Variants in TMEM94 observed in about 807,000 individuals in gnomAD.
The protein encoded by TMEM94 is transmembrane protein 94, also known as ER Mg2+ ATPase.
A neutral mutation model predicts 158.6 loss-of-function variants in TMEM94; 81 were observed. That is an observed-to-expected ratio of 0.51 (90% CI 0.43 to 0.61). The LOEUF is 0.61. TMEM94 is among the 20% of genes least tolerant of loss of function. TMEM94 has a pLI of 0.00. For synonymous variants in TMEM94, 751 were observed against 730.7 expected (o/e 1.03, Z -0.45); for missense variants, 1,435 against 1,762.0 (o/e 0.81, Z 3.32).
chr17:75,479,068 G>C (rs1414492603), intron 2 of TMEM94, among the ~76,000 whole-genome samples: 1 of 152,106 alleles, frequency 6.6e-6, no homozygotes, highest in Admixed American at 6.5e-5. Context: ...CCATGCTTTG[G>C]GAAAGGCTGG....
At position 75,492,220 on chromosome 17, in the gene TMEM94, T is replaced by TG; in HGVS notation, c.1597-252dup. 7.1e-7 allele frequency: 1 copy of TG among 1,406,476 alleles called. No individual in the cohort carries two copies. The highest frequency in any genetic ancestry group is 1.6e-5 in the South Asian group (1 of 63,616). The allele number at this position is 1,406,476 out of a possible 1,614,324, so 87.1% of individuals were successfully genotyped here. ...TCCCTCAACTGTGTCCTCTTTGGTC[T>TG]GGCCACCCCTCTTTTTAGCTCCTGC... On this transcript the variant is annotated intron_variant, in intron 14 of 31. Coordinates refer to ENST00000314256, the MANE Select transcript of TMEM94 (RefSeq NM_014738.6). This position sits in a 1 kb window ranked among gnomAD's most constrained non-coding sequence, Gnocchi z 4.4.
chr17:75,496,914 G>A (rs916859883), intron 25 of TMEM94, 107 bp downstream of exon 25: 10 of 1,278,118 alleles, frequency 7.8e-6, no homozygotes, highest in East Asian at 2.3e-5. Context: ...ACAGTCAAGG[G>A]GTCCCCCCAG....
At chr17:75,497,899 C>T in intron 27 of TMEM94, 37 bp downstream of exon 27, 1 of 1,566,718 alleles carries the variant, frequency 6.4e-7, no homozygotes, top group Non-Finnish European at 8.8e-7. Context: ...TGCAAGTGAG[C>T]ATGGAAGGGA....
Position 75,498,072 on chromosome 17 carries a change from C to G in TMEM94, c.3490-103C>G, listed in dbSNP as rs974281287. The stretch of plus-strand genomic sequence containing the variant: ...CTGGGGCTTGAGCTCCCTATCCCCC[C>G]AGGCCTGACCATTTACTAAGAGCCC... On this transcript the variant is annotated intron_variant, in intron 27 of 31. Coordinates refer to ENST00000314256, the MANE Select transcript of TMEM94 (RefSeq NM_014738.6). The surrounding 1 kb of genome is among the most constrained non-coding windows in gnomAD (Gnocchi z 6.7). 5.9e-5 allele frequency: 88 copies of G among 1,487,020 alleles called. No homozygotes were observed. The highest frequency in any genetic ancestry group is 3.8e-4 in the Admixed American group (22 of 57,372). 92.1% of individuals were successfully genotyped at this position (1,487,020 alleles called of 1,614,324 possible).
At position 75,496,054 on chromosome 17, in the gene TMEM94, C is replaced by T. The variant is rs1598433036; in HGVS notation, c.3033C>T (p.Leu1011=). Residue 1011 remains leucine (L), a synonymous_variant, in exon 23 of 32, where the codon CTC becomes CTT. Coordinates refer to ENST00000314256, the MANE Select transcript of TMEM94 (RefSeq NM_014738.6). The stretch of plus-strand genomic sequence containing the variant: ...CTGCCAACCTGCGGAACAGCTGCCT[C>T]TTCCTCCAGAGCGACATCAGGTCAG... The part of the protein sequence containing the change: ...GSSANLRNSC[L]FLQSDISIAL... 4 of 1,612,450 alleles carry T rather than the reference C, an allele frequency of 2.5e-6. No individual in the cohort carries two copies. Among genetic ancestry groups the T allele is most frequent in the Non-Finnish European group, 3.4e-6 (4 of 1,179,606 alleles).
At chr17:75,488,471 G>T (rs2146631285) in intron 6 of TMEM94, among the ~76,000 whole-genome samples, 1 of 152,272 alleles carries the variant, frequency 6.6e-6, no homozygotes, top group Middle Eastern at 3.4e-3. Context: ...TGGTAGAGAT[G>T]GGGTTTCGGC....
chr17:75,496,690 A>C (rs893683826), intron 24 of TMEM94, 40 bp from the exon 25 acceptor site: 1 of 1,573,796 alleles, frequency 6.4e-7, no homozygotes, highest in Non-Finnish European at 8.7e-7. Flanking sequence ...GGGAGAGGCC[A>C]GGTAGACCCA....
At position 75,491,884 on chromosome 17, in the gene TMEM94, A is replaced by T. The variant is rs1458964137; in HGVS notation, c.1580A>T (p.Glu527Val). 2 of 1,613,060 alleles carry T rather than the reference A, an allele frequency of 1.2e-6. No individual in the cohort carries two copies. The highest frequency in any genetic ancestry group is 2.7e-5 in the African/African-American group (2 of 75,040). ...TTCAGCAGGGACACCGAGGGTGGTG[A>T]AGAAGAGCCCAGCAAGGTGACGGGA... is the stretch of plus-strand genomic sequence containing the variant. ...VSFSRDTEGG[E>V]EEPSKTQPGM... Residue 527 changes from glutamate (E) to valine (V), a missense_variant, in exon 14 of 32, where the codon GAA (glutamate) becomes GTA (valine). Physicochemically the swap from Glu to Val is moderately radical, Grantham distance 121 (BLOSUM62 -2). Coordinates refer to ENST00000314256, the MANE Select transcript of TMEM94 (RefSeq NM_014738.6). The surrounding 1 kb of genome is among the most constrained non-coding windows in gnomAD (Gnocchi z 5.1).
intron 1 of TMEM94, among the ~76,000 whole-genome samples, chr17:75,458,500 G>C (rs1479554799): frequency 1.3e-5 from 2 of 151,900 alleles, no homozygotes; most frequent in African/African-American, 4.8e-5. Context: ...CCAGGAGTTT[G>C]AGATCAACCT....
At chr17:75,477,810 A>G (rs1279621102) in intron 2 of TMEM94, among the ~76,000 whole-genome samples, 2 of 150,844 alleles carry the variant, frequency 1.3e-5, no homozygotes, top group Non-Finnish European at 3.0e-5. Context: ...GGAGTTTGAG[A>G]CCAGCCTGGC....
In TMEM94 at chr17:75,462,796, G is replaced by A. The variant is rs1486604628; in HGVS notation, c.-107+6045G>A. The stretch of plus-strand genomic sequence containing the variant: ...GCTTGAGCCCCAGAGTTCTAGACCA[G>A]TCTGGGCAACATAGCAAGACCTTGT... On this transcript the variant is annotated intron_variant, in intron 1 of 31. Transcript: ENST00000314256. Among the ~76,000 whole-genome samples, 18 of 144,688 alleles carry A rather than the reference G, an allele frequency of 1.2e-4. No individual in the cohort carries two copies. The Admixed American group carries it at 1.3e-3, about 10-fold the overall frequency. 94.9% of individuals were successfully genotyped at this position (144,688 alleles called of 152,430 possible).
In TMEM94 at chr17:75,499,041, T is replaced by A. The variant is rs2053043788; in HGVS notation, c.3957T>A (p.Leu1319=). ...TWLLGCLSLV[L]VVVTNEIVKL... ...TCCTGGGCTGCCTGTCCCTGGTCCTTGTGGTGGTGACCAATGAGATCGTGA... is the reference window on the plus strand; with the variant it reads ...TCCTGGGCTGCCTGTCCCTGGTCCTAGTGGTGGTGACCAATGAGATCGTGA... The change falls in exon 31 of 32, where the codon CTT becomes CTA. Residue 1319 remains leucine, a synonymous_variant. Coordinates refer to ENST00000314256, the MANE Select transcript of TMEM94 (RefSeq NM_014738.6). 1.9e-6 allele frequency: 3 copies of A among 1,600,034 alleles called. No homozygotes were observed. Among genetic ancestry groups the A allele is most frequent in the Non-Finnish European group, 2.6e-6 (3 of 1,174,538 alleles).
At chr17:75,494,129 C>G (rs1221858840) in intron 18 of TMEM94, among the ~76,000 whole-genome samples, 2 of 152,200 alleles carry the variant, frequency 1.3e-5, no homozygotes, top group African/African-American at 2.4e-5. Flanking sequence ...CTCACTTGGC[C>G]TGCCTCACTG....
chr17:75,480,407 T>G (rs557870916), intron 2 of TMEM94, among the ~76,000 whole-genome samples: 2 of 152,394 alleles, frequency 1.3e-5, no homozygotes, highest in South Asian at 4.1e-4. Flanking sequence ...CAGACAGCTC[T>G]GCAGGCGCCC....
At position 75,475,249 on chromosome 17, in the gene TMEM94, G is replaced by A. The variant is rs72854377; in HGVS notation, c.24+3320G>A. Among the ~76,000 whole-genome samples, 364 of 152,244 alleles carry A rather than the reference G, an allele frequency of 2.4e-3. 1 individual carries two copies. The highest frequency in any genetic ancestry group is 4.1e-3 in the Non-Finnish European group (278 of 68,022). On this transcript the variant is annotated intron_variant, in intron 2 of 31. Coordinates refer to ENST00000314256, the MANE Select transcript of TMEM94 (RefSeq NM_014738.6). ...CCTGTTCTTAACCTCTGGACTGCCC[G>A]GGCCCTCCCTTCTGTTCTCACTCAG...
chr17:75,463,034 AAAAATATATATATATATAT>A (rs2050140058), intron 1 of TMEM94, among the ~76,000 whole-genome samples: 1 of 3,780 alleles, frequency 2.6e-4, no homozygotes, highest in Non-Finnish European at 5.3e-4. Flanking sequence ...AAAAAAAAAA[AAAAATATATATATATATAT>A]ATATATATAT....
At chr17:75,473,394 A>G (rs1469643655) in intron 2 of TMEM94, among the ~76,000 whole-genome samples, 2 of 152,202 alleles carry the variant, frequency 1.3e-5, no homozygotes, top group Admixed American at 1.3e-4. Flanking sequence ...AGGGCTCTGC[A>G]CTGCTCAGTT....
rs1467738420 is a variant in TMEM94 at position 75,492,186 on chromosome 17, C to T, written c.1596+286C>T. 60 of 1,260,546 alleles carry T rather than the reference C, an allele frequency of 4.8e-5. No homozygotes were observed. The highest frequency in any genetic ancestry group is 6.2e-5 in the Non-Finnish European group (59 of 944,730). The allele number at this position is 1,260,546 out of a possible 1,614,324, so 78.1% of individuals were successfully genotyped here. A position where few individuals can be genotyped will look rare whatever the true frequency, so the allele number is the denominator to read the frequency against. On this transcript the variant is annotated intron_variant, in intron 14 of 31. Coordinates refer to ENST00000314256, the MANE Select transcript of TMEM94 (RefSeq NM_014738.6). The surrounding 1 kb of genome is among the most constrained non-coding windows in gnomAD (Gnocchi z 4.4). ...CTCCCTCTTAGAGATGTTCCCTGGC[C>T]ACAGAAGATCCCTCAACTGTGTCCT...
At chr17:75,470,561 C>T (rs1001154669) in intron 1 of TMEM94, among the ~76,000 whole-genome samples, 4 of 151,622 alleles carry the variant, frequency 2.6e-5, no homozygotes, top group Non-Finnish European at 5.9e-5. Flanking sequence ...AAAAATTAGC[C>T]GGGCGTGGTG....
Sources: allele counts gnomAD v4.1 joint callset (sites outside exome capture counted in the v4.1 genomes callset), GRCh38; gene constraint gnomAD v4.1.1; non-coding constraint Gnocchi (gnomAD v3.1); transcripts MANE v1.5; gene names NCBI Gene and HGNC (gene_info 2026-07-23, HGNC 2026-07-21).